The following CNTLN variants were observed in gnomAD, a reference collection of about 807,000 sequenced individuals.
CNTLN encodes centlein, also known as centlein, centrosomal protein.
Under a neutral mutation model 180.0 loss-of-function variants are expected in CNTLN, and 212 were observed. That is an observed-to-expected ratio of 1.18 (90% CI 1.05 to 1.32). CNTLN has a LOEUF of 1.32. CNTLN is among the 40% of genes most tolerant of loss of function. The pLI is 0.00. For missense variants in CNTLN, 2,095 were observed against 1,610.9 expected, an observed-to-expected ratio of 1.30 and a Z score of -5.14; for synonymous variants, 722 against 563.1, an observed-to-expected ratio of 1.28 and a Z score of -3.99.
intron 25 of CNTLN, among the ~76,000 whole-genome samples, chr9:17,497,449 T>C (rs1397199950): frequency 6.6e-6 from 1 of 152,192 alleles, no homozygotes; most frequent in Non-Finnish European, 1.5e-5. Flanking sequence ...GGCAGTTCAT[T>C]TTACTAAATC....
intron 8 of CNTLN, among the ~76,000 whole-genome samples, chr9:17,325,479 C>A (rs1820220102): frequency 1.3e-5 from 2 of 148,704 alleles, no homozygotes; most frequent in Non-Finnish European, 1.5e-5. Flanking sequence ...TTTCAGAGAA[C>A]CGTCATTCAA....
intron 16 of CNTLN, among the ~76,000 whole-genome samples, chr9:17,410,414 A>T (rs760033544): frequency 2.6e-5 from 4 of 152,078 alleles, no homozygotes; most frequent in Non-Finnish European, 5.9e-5. Context: ...ACTGGCTTAG[A>T]CATTTTTATA....
chr9:17,151,713 T>A (rs554468381), intron 2 of CNTLN, among the ~76,000 whole-genome samples: 5 of 152,346 alleles, frequency 3.3e-5, no homozygotes, highest in African/African-American at 1.2e-4. Flanking sequence ...TTCTGTTGTT[T>A]GGAATAGTTT....
chr9:17,452,115 G>C (rs1476611695), intron 18 of CNTLN, among the ~76,000 whole-genome samples: 2 of 151,286 alleles, frequency 1.3e-5, no homozygotes, highest in Non-Finnish European at 2.9e-5. Context: ...ATCAAGATCA[G>C]AGAGTATCTA....
intron 5 of CNTLN, among the ~76,000 whole-genome samples, chr9:17,237,252 C>A (rs1825201913): frequency 7.0e-6 from 1 of 143,190 alleles, no homozygotes; most frequent in African/African-American, 2.8e-5. Context: ...AATTTCTTTT[C>A]TTATTAAATT....
At position 17,152,736 on chromosome 9, in the gene CNTLN, A is replaced by G. The variant is rs112157721; in HGVS notation, c.449+9360A>G. Among the ~76,000 whole-genome samples, 241 of 152,282 alleles carry G rather than the reference A, an allele frequency of 1.6e-3. 2 individuals carry two copies. The highest frequency in any genetic ancestry group is 5.6e-3 in the African/African-American group (233 of 41,556). On this transcript the variant is annotated intron_variant, in intron 2 of 25. Transcript: ENST00000380647. ...TCCTTGTTAATTTTCTGTTTCATTG[A>G]TCTGTCTGATATTGACAGTGGGGTG... is the stretch of plus-strand genomic sequence containing the variant.
intron 13 of CNTLN, among the ~76,000 whole-genome samples, chr9:17,373,579 C>G (rs904064985): frequency 2.0e-5 from 3 of 151,992 alleles, no homozygotes; most frequent in Non-Finnish European, 2.9e-5. Context: ...AGATTTAATG[C>G]AAGCCCTATA....
chr9:17,211,729 T>A (rs1359017104), intron 2 of CNTLN, among the ~76,000 whole-genome samples: 5 of 152,088 alleles, frequency 3.3e-5, no homozygotes, highest in Non-Finnish European at 5.9e-5. Flanking sequence ...CTTTTATTTT[T>A]TTGAGCAGTG....
intron 25 of CNTLN, among the ~76,000 whole-genome samples, chr9:17,494,754 G>T (rs931391488): frequency 1.3e-5 from 2 of 151,940 alleles, no homozygotes; most frequent in Non-Finnish European, 2.9e-5. Context: ...TAATGCTGGT[G>T]TAAACAAACC....
intron 2 of CNTLN, among the ~76,000 whole-genome samples, chr9:17,221,581 C>T (rs117086232): frequency 0.012 from 1,838 of 152,076 alleles, 15 homozygotes; most frequent in Middle Eastern, 0.045. Flanking sequence ...TCCAATTCTC[C>T]GCCTTTTGTG....
chr9:17,285,170 A>T (rs1828906101), intron 6 of CNTLN, among the ~76,000 whole-genome samples: 1 of 84,942 alleles, frequency 1.2e-5, no homozygotes, highest in African/African-American at 5.0e-5. Context: ...CCACCCCACC[A>T]CAGTCCCCAG....
At chr9:17,237,364 C>G (rs1825213184) in intron 5 of CNTLN, among the ~76,000 whole-genome samples, 1 of 124,676 alleles carries the variant, frequency 8.0e-6, no homozygotes, top group Non-Finnish European at 1.7e-5. Flanking sequence ...TACACACACA[C>G]ACACACACAC....
intron 15 of CNTLN, among the ~76,000 whole-genome samples, chr9:17,408,773 C>A (rs1164668708): frequency 6.7e-6 from 1 of 149,520 alleles, no homozygotes; most frequent in Non-Finnish European, 1.5e-5. Context: ...TGCACTCCAG[C>A]CTGGGTGACA....
At chr9:17,302,704 T>C (rs1276001901) in intron 7 of CNTLN, among the ~76,000 whole-genome samples, 2 of 152,206 alleles carry the variant, frequency 1.3e-5, no homozygotes, top group Non-Finnish European at 2.9e-5. Flanking sequence ...TAAAACTTTA[T>C]GGCGATGTTT....
chr9:17,322,260 A>G (rs1413564050), intron 8 of CNTLN, among the ~76,000 whole-genome samples: 1 of 152,134 alleles, frequency 6.6e-6, no homozygotes, highest in Non-Finnish European at 1.5e-5. Flanking sequence ...TTTAGCCTTA[A>G]TAAATGAAAG....
At chr9:17,412,070 G>T (rs948368999) in intron 16 of CNTLN, among the ~76,000 whole-genome samples, 28 of 128,028 alleles carry the variant, frequency 2.2e-4, no homozygotes, top group African/African-American at 7.7e-4. Context: ...CATTAACTAA[G>T]TCCCCCTCCA....
In CNTLN at chr9:17,135,257, G is replaced by C; in HGVS notation, c.192G>C (p.Gly64=). 1 of 1,603,680 alleles carries C rather than the reference G, an allele frequency of 6.2e-7. No individual in the cohort carries two copies. The highest frequency in any genetic ancestry group is 8.5e-7 in the Non-Finnish European group (1 of 1,175,680). The part of the protein sequence containing the change: ...DKIWVGEEGS[G]GRRGPGGAAP... ...TCTGGGTGGGTGAAGAAGGGTCAGG[G>C]GGCCGGCGAGGGCCTGGGGGGGCAG... Residue 64 remains glycine (G), a synonymous_variant, in exon 1 of 26, where the codon GGG becomes GGC. Transcript: ENST00000380647.
At chr9:17,467,136 G>T (rs1831798907) in intron 23 of CNTLN, among the ~76,000 whole-genome samples, 2 of 151,450 alleles carry the variant, frequency 1.3e-5, no homozygotes, top group East Asian at 1.9e-4. Flanking sequence ...TTATGAAATT[G>T]TAGTAGTCAA....
intron 2 of CNTLN, among the ~76,000 whole-genome samples, chr9:17,184,745 C>G (rs75250984): frequency 0.02 from 3,085 of 152,272 alleles, 103 homozygotes; most frequent in African/African-American, 0.07. Context: ...TAGGAATACT[C>G]ACACAATAAC....
Sources: gnomAD v4.1 joint callset for allele counts (sites outside exome capture counted in the v4.1 genomes callset) on GRCh38, gnomAD v4.1.1 for gene constraint, MANE v1.5 for transcripts, NCBI Gene and HGNC (gene_info 2026-07-23, HGNC 2026-07-21) for gene names.